Variants in DOCK4 observed in about 807,000 individuals in gnomAD.
DOCK4 encodes the protein dedicator of cytokinesis 4, also known as dedicator of cytokinesis protein 4.
In DOCK4, 97 loss-of-function variants were observed where a neutral mutation model predicts 268.1. The observed-to-expected ratio is 0.36, with a 90% CI of 0.31 to 0.43. The LOEUF (loss-of-function observed/expected upper bound fraction) is 0.43. Among genes scored for constraint, DOCK4 ranks in the 20% least tolerant of loss-of-function variants. DOCK4 has a pLI of 1.00. For missense variants in DOCK4, 2,145 were observed against 2,455.7 expected (o/e 0.87, Z 2.67); for synonymous variants, 954 against 887.2 (o/e 1.08, Z -1.34).
intron 30 of DOCK4, among the ~76,000 whole-genome samples, chr7:111,798,226 A>G (rs1445854911): frequency 6.6e-6 from 1 of 152,236 alleles, no homozygotes; most frequent in Non-Finnish European, 1.5e-5. Flanking sequence ...CCAGAGGTGG[A>G]GGTCACTGGG....
intron 12 of DOCK4, among the ~76,000 whole-genome samples, chr7:111,931,273 T>C (rs1794177588): frequency 6.6e-6 from 1 of 152,220 alleles, no homozygotes; most frequent in Non-Finnish European, 1.5e-5. Flanking sequence ...CAAGGCTTTA[T>C]GGTACAATGG....
chr7:111,934,747 G>A (rs565404568), intron 12 of DOCK4, among the ~76,000 whole-genome samples: 1 of 148,404 alleles, frequency 6.7e-6, no homozygotes, highest in Non-Finnish European at 1.5e-5. Context: ...CACCGTGTTA[G>A]CCAGGATGGT....
At chr7:111,816,539 G>T (rs183772724) in intron 27 of DOCK4, among the ~76,000 whole-genome samples, 1 of 152,272 alleles carries the variant, frequency 6.6e-6, no homozygotes, top group East Asian at 1.9e-4. Context: ...TTGCAACCAG[G>T]CCCAACCAGG....
chr7:112,068,162 C>A (rs1807256956), intron 1 of DOCK4, among the ~76,000 whole-genome samples: 1 of 152,044 alleles, frequency 6.6e-6, no homozygotes, highest in Non-Finnish European at 1.5e-5. Context: ...AAGAAGACTG[C>A]ACTATTGTAC....
intron 8 of DOCK4, among the ~76,000 whole-genome samples, chr7:111,959,557 T>G (rs1796703903): frequency 6.6e-6 from 1 of 152,242 alleles, no homozygotes; most frequent in Non-Finnish European, 1.5e-5. Context: ...ATCTGCTCTC[T>G]TAACTATGTT....
chr7:112,057,309 G>T (rs1208139193), intron 1 of DOCK4, among the ~76,000 whole-genome samples: 2 of 152,046 alleles, frequency 1.3e-5, no homozygotes, highest in Non-Finnish European at 2.9e-5. Context: ...TTGGGACTTT[G>T]GGATGCTGAG....
At chr7:111,743,066 G>C (rs544547487) in intron 44 of DOCK4, among the ~76,000 whole-genome samples, 2 of 152,032 alleles carry the variant, frequency 1.3e-5, no homozygotes, top group South Asian at 2.1e-4. Context: ...TTCAACGAGA[G>C]AGCAGGTCCT....
chr7:111,744,585 T>G (rs1048027399), intron 44 of DOCK4, among the ~76,000 whole-genome samples: 1 of 152,262 alleles, frequency 6.6e-6, no homozygotes, highest in Non-Finnish European at 1.5e-5. Flanking sequence ...TGAGCTACCA[T>G]TTAATTCTGG....
chr7:112,144,866 C>T (rs889122949), intron 1 of DOCK4, among the ~76,000 whole-genome samples: 26 of 152,112 alleles, frequency 1.7e-4, no homozygotes, highest in East Asian at 3.9e-4. Flanking sequence ...TGACGCAAAG[C>T]GAGCAGAGAG....
At chr7:111,746,491 C>T (rs1796275475) in intron 43 of DOCK4, 74 bp from the exon 44 acceptor site, 2 of 1,196,652 alleles carry the variant, frequency 1.7e-6, no homozygotes, top group African/African-American at 1.5e-5. Flanking sequence ...TTTTTAAAGA[C>T]CTGGCATCTT....
chr7:111,951,343 C>T (rs1454676474), intron 8 of DOCK4, among the ~76,000 whole-genome samples: 1 of 152,100 alleles, frequency 6.6e-6, no homozygotes, highest in Admixed American at 6.6e-5. Flanking sequence ...CTGTTGTGCC[C>T]ATTTGTCATC....
At chr7:111,892,754 T>C (rs1274818383) in intron 16 of DOCK4, among the ~76,000 whole-genome samples, 1 of 152,228 alleles carries the variant, frequency 6.6e-6, no homozygotes, top group Admixed American at 6.5e-5. Context: ...GATTATGTAT[T>C]ATGCTGGTAA....
chr7:112,188,020 C>T (rs1186587774), intron 1 of DOCK4, among the ~76,000 whole-genome samples: 1 of 152,150 alleles, frequency 6.6e-6, no homozygotes, highest in Admixed American at 6.5e-5. Flanking sequence ...ATAGCTCTGG[C>T]AATTCCCTGT....
At chr7:111,730,067 C>A (rs1794970944) in intron 52 of DOCK4, among the ~76,000 whole-genome samples, 1 of 152,132 alleles carries the variant, frequency 6.6e-6, no homozygotes, top group Non-Finnish European at 1.5e-5. Flanking sequence ...CTTTGCCAGT[C>A]CCCACTATGC....
intron 13 of DOCK4, among the ~76,000 whole-genome samples, chr7:111,913,977 G>C (rs570059919): frequency 3.3e-5 from 5 of 152,136 alleles, no homozygotes; most frequent in African/African-American, 1.2e-4. Context: ...ATTAAAGCAG[G>C]TACTTGCTAT....
At chr7:111,823,836 A>G (rs1261696682) in intron 26 of DOCK4, among the ~76,000 whole-genome samples, 5 of 152,250 alleles carry the variant, frequency 3.3e-5, no homozygotes, top group Admixed American at 1.3e-4. Context: ...TACGTTAAAC[A>G]TGTAAGCTGC....
intron 8 of DOCK4, among the ~76,000 whole-genome samples, chr7:111,955,066 T>G (rs890050232): frequency 1.1e-4 from 17 of 152,220 alleles, no homozygotes; most frequent in Non-Finnish European, 5.9e-5. Flanking sequence ...ATGATAGTCA[T>G]GTATACCAGA....
intron 44 of DOCK4, among the ~76,000 whole-genome samples, 155 bp from the exon 45 acceptor site, chr7:111,742,287 G>T (rs186881898): frequency 7.0e-4 from 107 of 152,312 alleles, no homozygotes; most frequent in Non-Finnish European, 7.9e-4. Flanking sequence ...TACAGGTGAA[G>T]AAAAACTGAG....
chr7:112,045,072 C>A (rs146141044), intron 1 of DOCK4, among the ~76,000 whole-genome samples: 3,553 of 152,302 alleles, frequency 0.023, 63 homozygotes, highest in Non-Finnish European at 0.037. Context: ...GTTCCTCAGT[C>A]CAGCTACAGC....
Sources: gnomAD v4.1 joint callset for allele counts (sites outside exome capture counted in the v4.1 genomes callset) on GRCh38, gnomAD v4.1.1 for gene constraint, MANE v1.5 for transcripts, NCBI Gene and HGNC (gene_info 2026-07-23, HGNC 2026-07-21) for gene names.